Variants in SCHIP1 observed in about 807,000 individuals in gnomAD.
The protein encoded by SCHIP1 is schwannomin-interacting protein 1.
In SCHIP1, 8 loss-of-function variants were observed where a neutral mutation model predicts 29.7. That is an observed-to-expected ratio of 0.27 (90% confidence interval 0.16 to 0.49). The LOEUF (loss-of-function observed/expected upper bound fraction) is 0.49. Ranked by LOEUF, SCHIP1 falls within the 20% of genes least tolerant of loss-of-function variation. SCHIP1 has a pLI of 0.99. For missense variants in SCHIP1, 193 were observed against 294.6 expected (o/e 0.66, Z 2.52); for synonymous variants, 76 against 94.9 (o/e 0.80, Z 1.16).
chr3:159,520,820 G>T, the SCHIP1 span, among the ~76,000 whole-genome samples: 1 of 152,088 alleles, frequency 6.6e-6, no homozygotes. Flanking sequence ...CGTAATTACA[G>T]AAATTATTAC....
At chr3:159,361,675 C>T in the SCHIP1 span, among the ~76,000 whole-genome samples, 3 of 152,214 alleles carry the variant, frequency 2.0e-5, no homozygotes, top group African/African-American at 7.2e-5. Flanking sequence ...CTGCAGTAAT[C>T]CAGGAGAGAG....
At chr3:159,371,624 T>A in the SCHIP1 span, among the ~76,000 whole-genome samples, 10 of 152,200 alleles carry the variant, frequency 6.6e-5, no homozygotes, top group South Asian at 2.1e-4. Context: ...ACTTGGTATC[T>A]GTTGGGGATT....
At chr3:159,393,794 C>T in the SCHIP1 span, among the ~76,000 whole-genome samples, 5 of 151,654 alleles carry the variant, frequency 3.3e-5, no homozygotes, top group South Asian at 2.1e-4. Context: ...CTTGGCGATG[C>T]GGGCTCTTTT....
the SCHIP1 span, among the ~76,000 whole-genome samples, chr3:159,815,532 G>A: frequency 3.9e-5 from 6 of 152,196 alleles, 1 homozygote; most frequent in South Asian, 2.1e-4. Context: ...GGGAATAAGA[G>A]TGCTATGATG....
chr3:159,515,646 T>C, the SCHIP1 span, among the ~76,000 whole-genome samples: 1 of 152,240 alleles, frequency 6.6e-6, no homozygotes. Context: ...AGCATGGTTC[T>C]AAGGCATATA....
At chr3:159,394,409 G>T in the SCHIP1 span, among the ~76,000 whole-genome samples, 2 of 151,920 alleles carry the variant, frequency 1.3e-5, no homozygotes, top group Non-Finnish European at 2.9e-5. Flanking sequence ...CAAAGGGAAT[G>T]CTTCCAGTGT....
At chr3:159,440,170 AT>A in the SCHIP1 span, among the ~76,000 whole-genome samples, 3 of 152,064 alleles carry the variant, frequency 2.0e-5, no homozygotes, top group Non-Finnish European at 4.4e-5. Flanking sequence ...TCCTTTTCCC[AT>A]TGTTTATTTT....
the SCHIP1 span, among the ~76,000 whole-genome samples, chr3:159,590,270 G>A: frequency 3.9e-5 from 6 of 152,158 alleles, no homozygotes; most frequent in African/African-American, 7.2e-5. Flanking sequence ...CCAGCCCAGC[G>A]CATTAAAGAA....
At chr3:159,468,431 T>C in the SCHIP1 span, among the ~76,000 whole-genome samples, 2,909 of 152,114 alleles carry the variant, frequency 0.019, 91 homozygotes, top group African/African-American at 0.066. Context: ...AAATCCTATA[T>C]GACATGCAAC....
chr3:159,470,197 T>C, the SCHIP1 span, among the ~76,000 whole-genome samples: 3 of 152,180 alleles, frequency 2.0e-5, no homozygotes, highest in African/African-American at 4.8e-5. Flanking sequence ...ACTACTGGTA[T>C]CATTTTTACT....
chr3:159,304,767 C>T, the SCHIP1 span, among the ~76,000 whole-genome samples: 1 of 152,152 alleles, frequency 6.6e-6, no homozygotes, highest in Non-Finnish European at 1.5e-5. Context: ...GGAATATTGG[C>T]CTGTGTCTTG....
the SCHIP1 span, among the ~76,000 whole-genome samples, chr3:159,602,617 G>A: frequency 2.0e-5 from 3 of 151,820 alleles, no homozygotes; most frequent in Non-Finnish European, 4.4e-5. Flanking sequence ...GCTGAGGCAG[G>A]AGAATTGCTT....
At chr3:159,637,933 T>A in the SCHIP1 span, among the ~76,000 whole-genome samples, 527 of 152,338 alleles carry the variant, frequency 3.5e-3, 2 homozygotes, top group African/African-American at 0.012. Context: ...TATTTGAATA[T>A]TTTTAGAAGA....
the SCHIP1 span, among the ~76,000 whole-genome samples, chr3:159,425,476 C>A: frequency 1.3e-5 from 2 of 152,026 alleles, no homozygotes; most frequent in Non-Finnish European, 2.9e-5. Flanking sequence ...GGGATCAATT[C>A]AACAAGAAGA....
the SCHIP1 span, among the ~76,000 whole-genome samples, chr3:159,564,294 A>G: frequency 6.6e-6 from 1 of 152,178 alleles, no homozygotes; most frequent in African/African-American, 2.4e-5. Flanking sequence ...ATCCAGATCA[A>G]GAGCATGACC....
chr3:159,866,164 C>G, exon 2 of SCHIP1: 2 of 1,612,334 alleles, frequency 1.2e-6, no homozygotes, highest in African/African-American at 1.3e-5. Context: ...AAATTTTAGG[C>G]ACAGAAAAAT....
At chr3:159,425,550 G>C in the SCHIP1 span, among the ~76,000 whole-genome samples, 57 of 152,148 alleles carry the variant, frequency 3.7e-4, no homozygotes, top group African/African-American at 1.3e-3. Context: ...AGCAAGTCCT[G>C]AGTGACCTAC....
chr3:159,548,641 T>C, the SCHIP1 span, among the ~76,000 whole-genome samples: 1 of 152,168 alleles, frequency 6.6e-6, no homozygotes, highest in East Asian at 1.9e-4. Flanking sequence ...TATTGCTCTC[T>C]CTTAAGTTTA....
At chr3:159,773,224 A>G in the SCHIP1 span, among the ~76,000 whole-genome samples, 2 of 152,180 alleles carry the variant, frequency 1.3e-5, no homozygotes, top group Non-Finnish European at 2.9e-5. Context: ...TGCACTTTCT[A>G]CTGTCACAGG....
Sources: gnomAD v4.1 joint callset for allele counts (sites outside exome capture counted in the v4.1 genomes callset) on GRCh38, gnomAD v4.1.1 for gene constraint, MANE v1.5 for transcripts, NCBI Gene and HGNC (gene_info 2026-07-23, HGNC 2026-07-21) for gene names.